Variants in NUDT6 observed in about 807,000 individuals in gnomAD.
NUDT6 encodes the protein FAD diphosphatase NUDT6.
In NUDT6, 24 loss-of-function variants were observed where a neutral mutation model predicts 36.8. The ratio of observed to expected loss-of-function variants is 0.65; its 90% CI spans 0.47 to 0.92. The LOEUF (loss-of-function observed/expected upper bound fraction) is 0.92, where lower values mean the gene tolerates loss of function less well. Ranked by LOEUF, NUDT6 falls within the 40% of genes least tolerant of loss-of-function variation. The probability of loss-of-function intolerance (pLI) is 0.00; values close to 1 mark genes in which losing one functional copy is unlikely to be tolerated. For missense variants in NUDT6, 388 were observed against 392.8 expected (o/e 0.99, Z 0.10); for synonymous variants, 163 against 157.0 (o/e 1.04, Z -0.29).
At chr4:122,901,513 T>C (rs1727524167) in intron 3 of NUDT6, among the ~76,000 whole-genome samples, 1 of 152,136 alleles carries the variant, frequency 6.6e-6, no homozygotes, top group Admixed American at 6.5e-5. Flanking sequence ...GGTGGTCTCA[T>C]TTATCACTCT....
chr4:122,913,766 TTCTC>T (rs1164337307), intron 2 of NUDT6, among the ~76,000 whole-genome samples: 2 of 151,912 alleles, frequency 1.3e-5, no homozygotes, highest in Non-Finnish European at 2.9e-5. Flanking sequence ...ACATTGCATA[TTCTC>T]TCTTTCTTTT....
intron 2 of NUDT6, among the ~76,000 whole-genome samples, chr4:122,916,901 G>T (rs2150809833): frequency 6.6e-6 from 1 of 152,234 alleles, no homozygotes; most frequent in Non-Finnish European, 1.5e-5. Context: ...AACAGGGAAG[G>T]CTACTAAGTA....
At chr4:122,917,736 T>A (rs1053434949) in intron 1 of NUDT6, 32 bp from the exon 2 acceptor site, 4 of 1,600,344 alleles carry the variant, frequency 2.5e-6, no homozygotes, top group Admixed American at 3.4e-5. Flanking sequence ...CTAAATAATT[T>A]CCAAAGAGAC....
intron 3 of NUDT6, among the ~76,000 whole-genome samples, chr4:122,907,608 G>A (rs1034384834): frequency 4.6e-5 from 7 of 151,574 alleles, no homozygotes; most frequent in East Asian, 3.9e-4. Context: ...CCACCACCAC[G>A]CCCGGCTAAT....
At chr4:122,922,916 C>T (rs1728135685), upstream of NUDT6, 4 of 594,532 alleles carry the variant, frequency 6.7e-6, no homozygotes, top group Non-Finnish European at 1.2e-5. Flanking sequence ...CAGTTCCGTT[C>T]CTGGAACCTA....
chr4:122,893,261 T>G, intron 4 of NUDT6, 36 bp from the exon 5 acceptor site: 6 of 1,535,538 alleles, frequency 3.9e-6, no homozygotes, highest in Non-Finnish European at 5.3e-6. Flanking sequence ...TCAATAATAA[T>G]TACACTTTTA....
chr4:122,892,718 G>C lies in NUDT6; in HGVS notation c.*110C>G. On this transcript the variant is annotated 3_prime_UTR_variant, in exon 5 of 5. Coordinates refer to ENST00000304430, the MANE Select transcript of NUDT6 (RefSeq NM_007083.5). The stretch of plus-strand genomic sequence containing the variant: ...TGTTTAGAAACAAAATTTCTTCATG[G>C]AAATCATATACATTAGAAAATCACA... The C allele has an allele frequency of 7.4e-7, 1 of 1,343,022 alleles. No individual in the cohort carries two copies. The highest frequency in any genetic ancestry group is 9.9e-7 in the Non-Finnish European group (1 of 1,006,962). 83.2% of individuals were successfully genotyped at this position (1,343,022 alleles called of 1,614,324 possible). A position where few individuals can be genotyped will look rare whatever the true frequency, so the allele number is the denominator to read the frequency against.
intron 1 of NUDT6, chr4:122,920,994 T>C (rs531108192): frequency 8.5e-4 from 130 of 152,352 alleles, no homozygotes; most frequent in Middle Eastern, 3.4e-3. Context: ...TGAATTTGCA[T>C]GCTATGCCTT....
intron 3 of NUDT6, among the ~76,000 whole-genome samples, chr4:122,908,889 T>C (rs892166138): frequency 9.9e-5 from 15 of 152,204 alleles, no homozygotes; most frequent in African/African-American, 3.1e-4. Context: ...AGTTCAGCCA[T>C]CTCAGTGAGC....
intron 3 of NUDT6, among the ~76,000 whole-genome samples, chr4:122,910,154 C>G (rs1429074080): frequency 6.6e-6 from 1 of 152,128 alleles, no homozygotes; most frequent in African/African-American, 2.4e-5. Context: ...TCACTATTAC[C>G]CTGTTTTAAA....
At chr4:122,921,884 C>T (rs575719077) in intron 1 of NUDT6, 4 of 154,740 alleles carry the variant, frequency 2.6e-5, no homozygotes, top group African/African-American at 9.6e-5. Flanking sequence ...AGAACCAAGG[C>T]TCGGTAAAGG....
At chr4:122,913,573 CT>C (rs1266221608) in intron 2 of NUDT6, among the ~76,000 whole-genome samples, 1 of 152,196 alleles carries the variant, frequency 6.6e-6, no homozygotes, top group Non-Finnish European at 1.5e-5. Context: ...GCTGTGCCCC[CT>C]GATGATCCAA....
chr4:122,905,699 C>T (rs13125068), intron 3 of NUDT6, among the ~76,000 whole-genome samples: 3 of 152,206 alleles, frequency 2.0e-5, no homozygotes, highest in Admixed American at 6.5e-5. Flanking sequence ...ATAAGTCACT[C>T]AGTGCCTAAC....
intron 3 of NUDT6, chr4:122,897,926 G>T (rs528761310): frequency 8.6e-6 from 4 of 465,874 alleles, no homozygotes; most frequent in Non-Finnish European, 1.5e-5. Context: ...TTTGGTTAAC[G>T]TGATACATTC....
chr4:122,897,506 GACTCAGTCGGAACAAATTGGAAAATTT>G (rs1429728189), intron 4 of NUDT6, 91 bp downstream of exon 4: 3 of 736,496 alleles, frequency 4.1e-6, no homozygotes, highest in Non-Finnish European at 7.2e-6. Flanking sequence ...GAAATGTTCA[GACTCAGTCGGAACAAATTGGAAAATTT>G]AAATTTTTAT....
rs371981022 is a variant in NUDT6 at position 122,912,635 on chromosome 4, A to C, written c.443-12T>G. On this transcript the variant is annotated splice_polypyrimidine_tract_variant and intron_variant, in intron 2 of 4. Transcript: ENST00000304430. Reference sequence around the variant, plus strand: ...ATCAAATACAGCTCCTATTAGGGGAAAAAGAAAAGATAATTGAGAAATATT... The same window carrying C: ...ATCAAATACAGCTCCTATTAGGGGACAAAGAAAAGATAATTGAGAAATATT... The C allele has an allele frequency of 1.4e-6, 2 of 1,478,470 alleles. No homozygotes were observed. The highest frequency in any genetic ancestry group is 2.8e-5 in the African/African-American group (2 of 72,116). 91.6% of individuals were successfully genotyped at this position (1,478,470 alleles called of 1,614,324 possible). A position where few individuals can be genotyped will look rare whatever the true frequency, so the allele number is the denominator to read the frequency against.
intron 4 of NUDT6, chr4:122,893,872 G>A (rs993808118): frequency 6.6e-6 from 1 of 152,144 alleles, no homozygotes; most frequent in South Asian, 2.1e-4. Flanking sequence ...AAGTATTTAG[G>A]AGAAGCCCTT....
intron 1 of NUDT6, chr4:122,920,267 CAGTA>C (rs1460244198): frequency 6.6e-6 from 1 of 152,128 alleles, no homozygotes; most frequent in Admixed American, 6.5e-5. Context: ...TAGCATAGTG[CAGTA>C]AGAAAGGTGT....
At chr4:122,916,741 T>C (rs932609225) in intron 2 of NUDT6, among the ~76,000 whole-genome samples, 2 of 152,198 alleles carry the variant, frequency 1.3e-5, no homozygotes, top group African/African-American at 2.4e-5. Context: ...TAGTCCCCCT[T>C]GTCCAGTTTT....
Sources: allele counts gnomAD v4.1 joint callset (sites outside exome capture counted in the v4.1 genomes callset), GRCh38; gene constraint gnomAD v4.1.1; transcripts MANE v1.5; gene names NCBI Gene and HGNC (gene_info 2026-07-23, HGNC 2026-07-21).